The following CREB1 variants were observed in gnomAD, a reference collection of about 807,000 sequenced individuals.
CREB1 encodes cAMP responsive element binding protein 1.
A neutral mutation model predicts 42.0 loss-of-function variants in CREB1; 2 were observed. The ratio of observed to expected loss-of-function variants is 0.05; its 90% CI spans 0.02 to 0.15. The LOEUF (loss-of-function observed/expected upper bound fraction) is 0.15, where lower values mean the gene tolerates loss of function less well. Among genes scored for constraint, CREB1 ranks in the 10% least tolerant of loss-of-function variants. The pLI, the probability that CREB1 is intolerant of heterozygous loss-of-function variation, is 1.00. For missense variants in CREB1, 199 were observed against 388.9 expected (o/e 0.51, Z 4.11); for synonymous variants, 123 against 139.9 (o/e 0.88, Z 0.85).
At chr2:207,589,298 T>G (rs2084511280) in intron 7 of CREB1, among the ~76,000 whole-genome samples, 1 of 152,204 alleles carries the variant, frequency 6.6e-6, no homozygotes, top group African/African-American at 2.4e-5. Context: ...CCACCCACAT[T>G]TTTTGCCTCA....
Position 207,604,078 on chromosome 2 carries a change from C to T in CREB1, c.*7020C>T, listed in dbSNP as rs1484765035. Among the ~76,000 whole-genome samples the T allele has an allele frequency of 1.3e-5, 2 of 152,166 alleles. No homozygotes were observed. The highest frequency in any genetic ancestry group is 2.4e-5 in the African/African-American group (1 of 41,444). On this transcript the variant is annotated 3_prime_UTR_variant, in exon 8 of 8. Transcript: ENST00000353267. ...GACATTTTGAGAGTGATATTAATTACATGAGGGACAATAGGCATGAACTAG... is the reference window on the plus strand; with the variant it reads ...GACATTTTGAGAGTGATATTAATTATATGAGGGACAATAGGCATGAACTAG...
chr2:207,580,459 T>G (rs978339240), intron 7 of CREB1, among the ~76,000 whole-genome samples: 1 of 152,174 alleles, frequency 6.6e-6, no homozygotes, highest in Non-Finnish European at 1.5e-5. Context: ...AGCAGTGGTT[T>G]TGCTGCACCC....
At chr2:207,577,380 A>G in intron 6 of CREB1, 125 bp from the exon 7 acceptor site, 2 of 1,293,466 alleles carry the variant, frequency 1.5e-6, no homozygotes, top group Non-Finnish European at 2.1e-6. Context: ...CGCTTTAGCC[A>G]GAATCATCTT....
intron 1 of CREB1, among the ~76,000 whole-genome samples, chr2:207,540,363 G>A (rs1038433763): frequency 1.3e-5 from 2 of 151,864 alleles, no homozygotes; most frequent in African/African-American, 4.8e-5. Flanking sequence ...AAAAGTGGCC[G>A]GGAATGGTGG....
intron 1 of CREB1, among the ~76,000 whole-genome samples, chr2:207,547,375 T>C (rs1472185376): frequency 6.6e-6 from 1 of 152,220 alleles, no homozygotes; most frequent in Non-Finnish European, 1.5e-5. Context: ...GTACTTACAG[T>C]TTCAGCATTG....
At chr2:207,532,065 A>G (rs1559256740) in intron 1 of CREB1, among the ~76,000 whole-genome samples, 1 of 152,012 alleles carries the variant, frequency 6.6e-6, no homozygotes, top group Non-Finnish European at 1.5e-5. Context: ...TTTTCTTGTT[A>G]AGAATATAAG....
Position 207,598,308 on chromosome 2 carries a change from A to C in CREB1, c.*1250A>C, listed in dbSNP as rs1273841745. On this transcript the variant is annotated 3_prime_UTR_variant, in exon 8 of 8. Coordinates refer to ENST00000353267, the MANE Select transcript of CREB1 (RefSeq NM_004379.5). ...AAACATTTTTTTGTTCTCTTGTAAA[A>C]AGAGTAGTTATTAGTTCTGCTTTAG... The C allele has an allele frequency of 5.4e-6, 1 of 183,598 alleles. No homozygotes were observed. The highest frequency in any genetic ancestry group is 1.2e-5 in the Non-Finnish European group (1 of 86,378). The allele number at this position is 183,598 out of a possible 1,614,324, so 11.4% of individuals were successfully genotyped here.
chr2:207,555,801 G>A lies in CREB1; in HGVS notation c.114+52G>A, dbSNP rs762689061. 5 of 1,171,184 alleles carry A rather than the reference G, an allele frequency of 4.3e-6. No individual in the cohort carries two copies. The African/African-American group carries it at 4.6e-5, about 11-fold the overall frequency. The allele number at this position is 1,171,184 out of a possible 1,614,324, so 72.5% of individuals were successfully genotyped here. A position where few individuals can be genotyped will look rare whatever the true frequency, so the allele number is the denominator to read the frequency against. On this transcript the variant is annotated intron_variant, in intron 2 of 7. Coordinates refer to ENST00000353267, the MANE Select transcript of CREB1 (RefSeq NM_004379.5). ...TTTGTGTCTCTTCCTAGAGGAATAC[G>A]TTTCCAAGAGAATTTAGTTGTTATT...
intron 1 of CREB1, among the ~76,000 whole-genome samples, chr2:207,547,689 G>A (rs1258679666): frequency 6.6e-6 from 1 of 151,926 alleles, no homozygotes; most frequent in African/African-American, 2.4e-5. Flanking sequence ...CGTGGCTGCT[G>A]CTTTGCTAAG....
In CREB1 at chr2:207,552,414, A is replaced by G. The variant is rs944534466; in HGVS notation, c.-8-3214A>G. ...CAATCTGTGCATTAGATTGTGTTTA[A>G]TCAAATGGTAGGGTAAAACTACGCA... On this transcript the variant is annotated intron_variant, in intron 1 of 7. Coordinates refer to ENST00000353267, the MANE Select transcript of CREB1 (RefSeq NM_004379.5). 2.0e-5 allele frequency among the ~76,000 whole-genome samples: 3 copies of G among 152,258 alleles called. No individual in the cohort carries two copies. In the East Asian group the frequency reaches 5.8e-4, roughly 29 times the overall value.
In CREB1 at chr2:207,601,349, A is replaced by G. The variant is rs1446050785; in HGVS notation, c.*4291A>G. ...TTTTTAGTCTTTCTCCTCTCTTCAA[A>G]TCATGTGACTTTTTAAATGGAAGTT... is the stretch of plus-strand genomic sequence containing the variant. On this transcript the variant is annotated 3_prime_UTR_variant, in exon 8 of 8. Transcript: ENST00000353267. 1 of 185,886 alleles carries G rather than the reference A, an allele frequency of 5.4e-6. No individual in the cohort carries two copies. Among genetic ancestry groups the G allele is most frequent in the Non-Finnish European group, 1.1e-5 (1 of 87,856 alleles). The allele number at this position is 185,886 out of a possible 1,614,324, so 11.5% of individuals were successfully genotyped here. A position where few individuals can be genotyped will look rare whatever the true frequency, so the allele number is the denominator to read the frequency against.
At chr2:207,568,222 C>T (rs2082214164) in intron 4 of CREB1, 2 of 151,976 alleles carry the variant, frequency 1.3e-5, no homozygotes, top group Non-Finnish European at 1.5e-5. Flanking sequence ...TTTATATATT[C>T]CTATTTTTCA....
At chr2:207,576,615 T>G in intron 6 of CREB1, 1 of 1,182,992 alleles carries the variant, frequency 8.5e-7, no homozygotes, top group Non-Finnish European at 1.1e-6. Context: ...AAAACACCTT[T>G]TCACTTTACA....
intron 1 of CREB1, among the ~76,000 whole-genome samples, chr2:207,546,055 G>A (rs2081291972): frequency 6.6e-6 from 1 of 152,096 alleles, no homozygotes; most frequent in African/African-American, 2.4e-5. Flanking sequence ...TTCTTTAACT[G>A]AGGAAATTAG....
At chr2:207,544,049 A>C (rs1244849325) in intron 1 of CREB1, among the ~76,000 whole-genome samples, 1 of 152,152 alleles carries the variant, frequency 6.6e-6, no homozygotes, top group Non-Finnish European at 1.5e-5. Flanking sequence ...CCTCCTGAGT[A>C]GCTGGGACTA....
chr2:207,570,167 C>G lies in CREB1; in HGVS notation c.363-12C>G. 1 of 1,544,470 alleles carries G rather than the reference C, an allele frequency of 6.5e-7. No homozygotes were observed. The highest frequency in any genetic ancestry group is 8.8e-7 in the Non-Finnish European group (1 of 1,141,496). On this transcript the variant is annotated splice_polypyrimidine_tract_variant and intron_variant, in intron 4 of 7. Transcript: ENST00000353267. ...TTATATTTTTAATTATTCTAGTTTT[C>G]TAATTTTGTAGGAAAATTTTGAATG...
At chr2:207,561,028 T>C in intron 3 of CREB1, 1 of 1,126,450 alleles carries the variant, frequency 8.9e-7, no homozygotes, top group Non-Finnish European at 1.4e-6. Flanking sequence ...GTATAGATCA[T>C]TGCAATTGAG....
intron 6 of CREB1, 55 bp from the exon 7 acceptor site, chr2:207,577,450 A>C: frequency 6.3e-7 from 1 of 1,589,000 alleles, no homozygotes; most frequent in Admixed American, 1.7e-5. Context: ...TGATACACAT[A>C]ATTGAATCAA....
At position 207,601,840 on chromosome 2, in the gene CREB1, A is replaced by T. The variant is rs143220643; in HGVS notation, c.*4782A>T. 1 of 218,694 alleles carries T rather than the reference A, an allele frequency of 4.6e-6. No individual in the cohort carries two copies. Among genetic ancestry groups the T allele is most frequent in the African/African-American group, 2.2e-5 (1 of 44,678 alleles). 13.5% of individuals were successfully genotyped at this position (218,694 alleles called of 1,614,324 possible). A position where few individuals can be genotyped will look rare whatever the true frequency, so the allele number is the denominator to read the frequency against. On this transcript the variant is annotated 3_prime_UTR_variant, in exon 8 of 8. Transcript: ENST00000353267. Reference sequence around the variant, plus strand: ...ATAAATAGTTCACTCAGTTGTACAAAGCACAACTAGAACTTTTTGTTGGGA... The same window carrying T: ...ATAAATAGTTCACTCAGTTGTACAATGCACAACTAGAACTTTTTGTTGGGA...
Sources: allele counts gnomAD v4.1 joint callset (sites outside exome capture counted in the v4.1 genomes callset), GRCh38; gene constraint gnomAD v4.1.1; transcripts MANE v1.5; gene names NCBI Gene and HGNC (gene_info 2026-07-23, HGNC 2026-07-21).